The following ERC2 variants were observed in gnomAD, a reference collection of about 807,000 sequenced individuals.
ERC2 encodes ERC protein 2.
A neutral mutation model predicts 114.8 loss-of-function variants in ERC2; 42 were observed. The observed-to-expected ratio is 0.37, with a 90% CI of 0.29 to 0.47. The LOEUF is 0.47. Among genes scored for constraint, ERC2 ranks in the 20% least tolerant of loss-of-function variants. The probability of loss-of-function intolerance (pLI) is 0.99; values close to 1 mark genes in which losing one functional copy is unlikely to be tolerated. For synonymous variants in ERC2, 454 were observed against 425.5 expected (o/e 1.07, Z -0.82); for missense variants, 939 against 1,150.7 (o/e 0.82, Z 2.66).
chr3:55,556,144 G>A (rs1451395752), intron 17 of ERC2, among the ~76,000 whole-genome samples: 1 of 152,128 alleles, frequency 6.6e-6, no homozygotes, highest in Non-Finnish European at 1.5e-5. Flanking sequence ...AAAGCCTCCA[G>A]GACTCACGTG....
At chr3:56,265,072 C>T (rs577667820) in intron 3 of ERC2, among the ~76,000 whole-genome samples, 22 of 152,116 alleles carry the variant, frequency 1.4e-4, no homozygotes, top group Non-Finnish European at 3.1e-4. Flanking sequence ...ATTAACATTC[C>T]AAAGTCATTT....
chr3:55,585,854 A>G (rs1410422575), intron 17 of ERC2, among the ~76,000 whole-genome samples: 4 of 152,258 alleles, frequency 2.6e-5, no homozygotes, highest in Non-Finnish European at 4.4e-5. Context: ...AAGATCCACA[A>G]ACAAACACAG....
chr3:56,051,019 A>G (rs1047609967), intron 7 of ERC2, among the ~76,000 whole-genome samples: 55 of 152,346 alleles, frequency 3.6e-4, no homozygotes, highest in African/African-American at 1.3e-3. Context: ...AGGAAAGCCC[A>G]TTCCCCACCC....
intron 3 of ERC2, among the ~76,000 whole-genome samples, chr3:56,179,349 G>A (rs572441738): frequency 5.6e-4 from 85 of 152,246 alleles, no homozygotes; most frequent in African/African-American, 1.8e-3. Context: ...GGAGTTTGTC[G>A]TGAGGACATT....
rs2062804047 is a variant in ERC2 at position 55,694,013 on chromosome 3, T to C, written c.2847+5365A>G. Among the ~76,000 whole-genome samples the C allele has an allele frequency of 3.9e-5, 6 of 152,180 alleles. No homozygotes were observed. The South Asian group carries it at 1.2e-3, about 32-fold the overall frequency. Reference sequence around the variant, plus strand: ...TGTGAGTCACTGCGCCCGGCAAAGATGACATTTAATTCAATTTTGGAAAAT... The same window carrying C: ...TGTGAGTCACTGCGCCCGGCAAAGACGACATTTAATTCAATTTTGGAAAAT... On this transcript the variant is annotated intron_variant, in intron 16 of 17. Transcript: ENST00000288221.
At chr3:56,348,898 AGG>A (rs1491581539) in intron 2 of ERC2, among the ~76,000 whole-genome samples, 1,892 of 37,934 alleles carry the variant, frequency 0.05, 22 homozygotes, top group Non-Finnish European at 0.1. Flanking sequence ...GAAGGAAGGA[AGG>A]AAGGAAAGAA....
intron 1 of ERC2, among the ~76,000 whole-genome samples, chr3:56,444,128 A>ATTTT (rs552859347): frequency 7.4e-6 from 1 of 134,842 alleles, no homozygotes; most frequent in African/African-American, 2.7e-5. Flanking sequence ...CACCTGGCTA[A>ATTTT]TTTTTTTTTT....
chr3:56,005,069 T>C (rs1219678563), intron 10 of ERC2, among the ~76,000 whole-genome samples: 2 of 152,048 alleles, frequency 1.3e-5, no homozygotes, highest in South Asian at 2.1e-4. Flanking sequence ...ATTTAGTTAA[T>C]GCTAGACAGC....
intron 17 of ERC2, among the ~76,000 whole-genome samples, chr3:55,662,029 C>T (rs1358562707): frequency 6.6e-6 from 1 of 152,074 alleles, no homozygotes; most frequent in Admixed American, 6.6e-5. Flanking sequence ...AGCTGAACTC[C>T]AGATTTCAAA....
At chr3:56,150,960 C>T (rs932606209) in intron 4 of ERC2, among the ~76,000 whole-genome samples, 1 of 152,082 alleles carries the variant, frequency 6.6e-6, no homozygotes, top group African/African-American at 2.4e-5. Context: ...AAGCTGCTCA[C>T]TCTCGCTCTC....
At chr3:55,957,266 G>A (rs1178412387) in intron 12 of ERC2, among the ~76,000 whole-genome samples, 2 of 152,098 alleles carry the variant, frequency 1.3e-5, no homozygotes, top group East Asian at 1.9e-4. Context: ...GTGACCAAGG[G>A]GACCAAGAGG....
At chr3:55,970,387 T>C (rs900154716) in intron 12 of ERC2, among the ~76,000 whole-genome samples, 1 of 151,734 alleles carries the variant, frequency 6.6e-6, no homozygotes, top group African/African-American at 2.4e-5. Flanking sequence ...TACTAATTAC[T>C]ATAGTAGTAT....
chr3:55,929,795 G>A (rs549431273), intron 13 of ERC2, among the ~76,000 whole-genome samples: 7 of 152,166 alleles, frequency 4.6e-5, no homozygotes, highest in East Asian at 1.9e-4. Flanking sequence ...TGTCCCCTTC[G>A]CTCTCTTCCT....
Position 55,924,689 on chromosome 3 carries a change from C to A in ERC2, c.2403+25736G>T, listed in dbSNP as rs74422712. Reference sequence around the variant, plus strand: ...ACAGAAATGCTGTGGGGAGAGGGAGCAGGGGGTGGAATGTAGAGTTAGAAC... The same window carrying A: ...ACAGAAATGCTGTGGGGAGAGGGAGAAGGGGGTGGAATGTAGAGTTAGAAC... On this transcript the variant is annotated intron_variant, in intron 13 of 17. Transcript: ENST00000288221. Among the ~76,000 whole-genome samples the A allele has an allele frequency of 3.8e-3, 574 of 152,158 alleles. 9 individuals carry two copies. The highest frequency in any genetic ancestry group is 0.013 in the African/African-American group (549 of 41,508).
At chr3:56,191,268 G>A (rs1474390642) in intron 3 of ERC2, among the ~76,000 whole-genome samples, 1 of 152,116 alleles carries the variant, frequency 6.6e-6, no homozygotes, top group Non-Finnish European at 1.5e-5. Context: ...AACATGCCAG[G>A]CCTCAGTGTT....
chr3:55,885,650 A>G (rs996959012), intron 14 of ERC2, among the ~76,000 whole-genome samples: 3 of 152,254 alleles, frequency 2.0e-5, no homozygotes, highest in South Asian at 2.1e-4. Flanking sequence ...AAACATACAC[A>G]TGGAAAAAGT....
chr3:56,001,819 T>C (rs1181829702), intron 10 of ERC2, among the ~76,000 whole-genome samples: 1 of 152,182 alleles, frequency 6.6e-6, no homozygotes, highest in Non-Finnish European at 1.5e-5. Flanking sequence ...TTCCTGTTCC[T>C]AACTAGTAAG....
At chr3:56,051,531 T>C (rs2075765470) in intron 7 of ERC2, among the ~76,000 whole-genome samples, 1 of 152,160 alleles carries the variant, frequency 6.6e-6, no homozygotes, top group East Asian at 1.9e-4. Context: ...TAAATCATCC[T>C]TGCAGAGAGA....
At chr3:55,704,346 A>T (rs2063371421) in intron 15 of ERC2, among the ~76,000 whole-genome samples, 1 of 152,260 alleles carries the variant, frequency 6.6e-6, no homozygotes, top group African/African-American at 2.4e-5. Context: ...ATCTGGATCA[A>T]GTTAACGATA....
Sources: gnomAD v4.1 joint callset for allele counts (sites outside exome capture counted in the v4.1 genomes callset) on GRCh38, gnomAD v4.1.1 for gene constraint, MANE v1.5 for transcripts, NCBI Gene and HGNC (gene_info 2026-07-23, HGNC 2026-07-21) for gene names.